CFAP77: variants seen among roughly 807,000 people sequenced by gnomAD.
CFAP77 encodes the protein cilia- and flagella-associated protein 77.
A neutral mutation model predicts 31.1 loss-of-function variants in CFAP77; 25 were observed. That is an observed-to-expected ratio of 0.80 (90% CI 0.59 to 1.12). The LOEUF is 1.12. CFAP77 is among the 50% of genes most tolerant of loss of function. The pLI, the probability that CFAP77 is intolerant of heterozygous loss-of-function variation, is 0.00. For missense variants in CFAP77, 377 were observed against 397.3 expected (o/e 0.95, Z 0.44); for synonymous variants, 151 against 159.9 (o/e 0.94, Z 0.42).
chr9:132,482,474 G>T, intron 1 of CFAP77: 2 of 1,401,100 alleles, frequency 1.4e-6, no homozygotes, highest in Non-Finnish European at 1.0e-6. Context: ...GAAAAGAGGG[G>T]CCCCTCCCGG....
intron 5 of CFAP77, among the ~76,000 whole-genome samples, chr9:132,547,746 A>G (rs1589919819): frequency 6.6e-6 from 1 of 152,156 alleles, no homozygotes; most frequent in Non-Finnish European, 1.5e-5. Flanking sequence ...AGAGACACCA[A>G]CCTTGCTTGA....
chr9:132,537,574 A>G (rs1852567643), intron 3 of CFAP77, 27 bp from the exon 4 acceptor site: 2 of 1,576,390 alleles, frequency 1.3e-6, no homozygotes, highest in East Asian at 2.3e-5. Context: ...CGGGGCCTCA[A>G]GCTCTGTCTG....
intron 1 of CFAP77, among the ~76,000 whole-genome samples, chr9:132,418,064 C>G (rs145622076): frequency 5.8e-4 from 89 of 152,332 alleles, no homozygotes; most frequent in Non-Finnish European, 9.0e-4. Context: ...TTTGGAGAGT[C>G]TGGGTACTAA....
rs985508308 is a variant in CFAP77, at chr9:132,539,579, G to A, written c.630+1873G>A. Reference sequence around the variant, plus strand: ...GGGGCTCAGCAACAGCGCCTATGATGTTCTAGGGCCAACCAGGGGATCGGA... The same window carrying A: ...GGGGCTCAGCAACAGCGCCTATGATATTCTAGGGCCAACCAGGGGATCGGA... On this transcript the variant is annotated intron_variant, in intron 4 of 5. Coordinates refer to ENST00000393216, the MANE Select transcript of CFAP77 (RefSeq NM_001282957.2). This position sits in a 1 kb window ranked among gnomAD's most constrained non-coding sequence, Gnocchi z 4.3. Among the ~76,000 whole-genome samples the A allele has an allele frequency of 6.6e-6, 1 of 152,130 alleles. No homozygotes were observed. Among genetic ancestry groups the A allele is most frequent in the African/African-American group, 2.4e-5 (1 of 41,426 alleles).
chr9:132,475,437 G>T (rs1371055291), intron 1 of CFAP77, among the ~76,000 whole-genome samples: 2 of 152,204 alleles, frequency 1.3e-5, no homozygotes, highest in African/African-American at 4.8e-5. Flanking sequence ...CAGAACCCAG[G>T]CTGGTTCCAG....
In CFAP77 at chr9:132,537,809, T is replaced by C. The variant is rs569610693; in HGVS notation, c.630+103T>C. The C allele has an allele frequency of 3.4e-5, 28 of 826,568 alleles. No individual in the cohort carries two copies. The East Asian group carries it at 4.9e-4, about 14-fold the overall frequency. 51.2% of individuals were successfully genotyped at this position (826,568 alleles called of 1,614,324 possible). On this transcript the variant is annotated intron_variant, in intron 4 of 5. Coordinates refer to ENST00000393216, the MANE Select transcript of CFAP77 (RefSeq NM_001282957.2). ...AGATGACACTTGTGTATGTTTGTCA[T>C]TGGGGATGAGTGGGAAATCAGGTTG...
Position 132,539,901 on chromosome 9 carries a change from G to C in CFAP77, c.630+2195G>C, listed in dbSNP as rs115802127. On this transcript the variant is annotated intron_variant, in intron 4 of 5. Coordinates refer to ENST00000393216, the MANE Select transcript of CFAP77 (RefSeq NM_001282957.2). This position sits in a 1 kb window ranked among gnomAD's most constrained non-coding sequence, Gnocchi z 4.3. ...CTTTCTAGCCCCGCATTAGAGCTGG[G>C]AGTTTTTTTTGCTGTTTGTTTATTT... 3.5e-3 allele frequency among the ~76,000 whole-genome samples: 534 copies of C among 152,306 alleles called. 2 individuals carry two copies. The highest frequency in any genetic ancestry group is 0.034 in the Middle Eastern group (10 of 294).
Position 132,564,936 on chromosome 9 carries a change from G to T in CFAP77, c.733-7452G>T, listed in dbSNP as rs757352906. Among the ~76,000 whole-genome samples the T allele has an allele frequency of 1.3e-5, 2 of 152,060 alleles. No homozygotes were observed. Among genetic ancestry groups the T allele is most frequent in the African/African-American group, 2.4e-5 (1 of 41,386 alleles). On this transcript the variant is annotated intron_variant, in intron 5 of 5. Transcript: ENST00000393216. The surrounding 1 kb of genome is among the most constrained non-coding windows in gnomAD (Gnocchi z 4.6). ...GGTCTCAGCTCTGCCCAGGACTCAC[G>T]GGAGACCTGGGAGGGTCACTTCTCA... is the stretch of plus-strand genomic sequence containing the variant.
In CFAP77 at chr9:132,424,324, C is replaced by A. The variant is rs1165287606; in HGVS notation, c.195+13858C>A. 6.6e-6 allele frequency among the ~76,000 whole-genome samples: 1 copy of A among 152,078 alleles called. No individual in the cohort carries two copies. Among genetic ancestry groups the A allele is most frequent in the Non-Finnish European group, 1.5e-5 (1 of 68,006 alleles). On this transcript the variant is annotated intron_variant, in intron 1 of 5. Transcript: ENST00000393216. The surrounding 1 kb of genome is among the most constrained non-coding windows in gnomAD (Gnocchi z 4.1). ...GGCTGAGGCAGGAGAATCACTTGAA[C>A]CAGGGAGGCAGAAGTTGCAGTGGGC...
intron 1 of CFAP77, among the ~76,000 whole-genome samples, chr9:132,483,356 A>C (rs1851482954): frequency 6.6e-6 from 1 of 152,160 alleles, no homozygotes; most frequent in Non-Finnish European, 1.5e-5. Context: ...ACCCCCATAC[A>C]TAAAGCATAT....
At position 132,493,286 on chromosome 9, in the gene CFAP77, G is replaced by A. The variant is rs1284841306; in HGVS notation, c.196-5409G>A. Among the ~76,000 whole-genome samples, 3 of 152,208 alleles carry A rather than the reference G, an allele frequency of 2.0e-5. No homozygotes were observed. The South Asian group carries it at 6.2e-4, about 32-fold the overall frequency. On this transcript the variant is annotated intron_variant, in intron 1 of 5. Transcript: ENST00000393216. Reference sequence around the variant, plus strand: ...TCCTTCCAGGCGATGCTATGGTCTGGAAAAGTCCTCGGAAATGAGAAAGCC... The same window carrying A: ...TCCTTCCAGGCGATGCTATGGTCTGAAAAAGTCCTCGGAAATGAGAAAGCC...
chr9:132,475,148 C>A (rs140493708), intron 1 of CFAP77, among the ~76,000 whole-genome samples: 1 of 152,178 alleles, frequency 6.6e-6, no homozygotes, highest in Non-Finnish European at 1.5e-5. Context: ...CTGCATTAAC[C>A]GAGCCTGAGG....
At chr9:132,508,989 C>T (rs1335462263) in intron 3 of CFAP77, among the ~76,000 whole-genome samples, 1 of 152,204 alleles carries the variant, frequency 6.6e-6, no homozygotes. Context: ...ATTTCTCATC[C>T]TGAGCTCCGT....
At position 132,424,625 on chromosome 9, in the gene CFAP77, G is replaced by T. The variant is rs1414976056; in HGVS notation, c.195+14159G>T. Among the ~76,000 whole-genome samples the T allele has an allele frequency of 6.6e-6, 1 of 152,224 alleles. No homozygotes were observed. Among genetic ancestry groups the T allele is most frequent in the East Asian group, 1.9e-4 (1 of 5,198 alleles). Reference sequence around the variant, plus strand: ...AGAGGGAGGTTCCTGGGAAAGGGATGCTGGGATCAGGTGAGGACCGCTCAA... The same window carrying T: ...AGAGGGAGGTTCCTGGGAAAGGGATTCTGGGATCAGGTGAGGACCGCTCAA... On this transcript the variant is annotated intron_variant, in intron 1 of 5. Coordinates refer to ENST00000393216, the MANE Select transcript of CFAP77 (RefSeq NM_001282957.2). This position sits in a 1 kb window ranked among gnomAD's most constrained non-coding sequence, Gnocchi z 4.1.
chr9:132,477,762 G>C (rs1851375542), intron 1 of CFAP77, among the ~76,000 whole-genome samples: 2 of 152,150 alleles, frequency 1.3e-5, no homozygotes. Flanking sequence ...GGGGTGAGTA[G>C]GGAACTGGGC....
rs1308724118 is a variant in CFAP77, at chr9:132,501,615, C to G, written c.524+2015C>G. Among the ~76,000 whole-genome samples the G allele has an allele frequency of 6.6e-6, 1 of 152,170 alleles. No homozygotes were observed. Among genetic ancestry groups the G allele is most frequent in the Non-Finnish European group, 1.5e-5 (1 of 68,024 alleles). ...ACGGGGTTTCACCATGTTGGCCAGG[C>G]TGGTCTTGAACTCCTGGCCTCAGGT... On this transcript the variant is annotated intron_variant, in intron 3 of 5. Coordinates refer to ENST00000393216, the MANE Select transcript of CFAP77 (RefSeq NM_001282957.2). The surrounding 1 kb of genome is among the most constrained non-coding windows in gnomAD (Gnocchi z 4.6).
rs117357832 is a variant in CFAP77 at position 132,483,540 on chromosome 9, G to A, written c.196-15155G>A. Among the ~76,000 whole-genome samples the A allele has an allele frequency of 5.2e-4, 79 of 152,220 alleles. 1 individual carries two copies. The East Asian group carries it at 9.5e-3, about 18-fold the overall frequency. ...GGTCTCCAGACTCACAGTCCAGAGC[G>A]CTCCTCCTTCCCCCACCACAGCCTT... On this transcript the variant is annotated intron_variant, in intron 1 of 5. Coordinates refer to ENST00000393216, the MANE Select transcript of CFAP77 (RefSeq NM_001282957.2).
intron 1 of CFAP77, among the ~76,000 whole-genome samples, chr9:132,483,192 AC>A (rs1431474001): frequency 1.3e-5 from 2 of 151,966 alleles, no homozygotes; most frequent in African/African-American, 4.8e-5. Flanking sequence ...AATCGCTTGA[AC>A]CCAGGAGGCA....
At chr9:132,550,314 C>G (rs1852803683) in intron 5 of CFAP77, among the ~76,000 whole-genome samples, 1 of 152,164 alleles carries the variant, frequency 6.6e-6, no homozygotes, top group Non-Finnish European at 1.5e-5. Context: ...CTGGTTTGGG[C>G]ATCAGTTACA....
Sources: allele counts gnomAD v4.1 joint callset (sites outside exome capture counted in the v4.1 genomes callset), GRCh38; gene constraint gnomAD v4.1.1; non-coding constraint Gnocchi (gnomAD v3.1); transcripts MANE v1.5; gene names NCBI Gene and HGNC (gene_info 2026-07-23, HGNC 2026-07-21).